Variants in DOCK3 observed in about 807,000 individuals in gnomAD.
DOCK3 encodes the protein dedicator of cytokinesis 3.
In DOCK3, 60 loss-of-function variants were observed where a neutral mutation model predicts 265.6. The observed-to-expected ratio is 0.23, with a 90% CI of 0.18 to 0.28. The LOEUF (loss-of-function observed/expected upper bound fraction) is 0.28, where lower values mean the gene tolerates loss of function less well. Among genes scored for constraint, DOCK3 ranks in the 10% least tolerant of loss-of-function variants. The pLI is 1.00. For synonymous variants in DOCK3, 881 were observed against 938.0 expected (o/e 0.94, Z 1.11); for missense variants, 1,981 against 2,594.3 (o/e 0.76, Z 5.14).
chr3:50,860,169 G>A (rs1346107767), intron 3 of DOCK3, among the ~76,000 whole-genome samples: 1 of 152,182 alleles, frequency 6.6e-6, no homozygotes, highest in Non-Finnish European at 1.5e-5. Context: ...GGGTTGTATG[G>A]GACCTGCAGG....
At chr3:50,999,548 G>A (rs150925526) in intron 5 of DOCK3, among the ~76,000 whole-genome samples, 28 of 152,142 alleles carry the variant, frequency 1.8e-4, no homozygotes, top group Admixed American at 1.3e-4. Flanking sequence ...GCCTTGTAGC[G>A]TTAAATATTC....
At chr3:51,163,887 C>G (rs1285267224) in intron 12 of DOCK3, among the ~76,000 whole-genome samples, 2 of 151,980 alleles carry the variant, frequency 1.3e-5, no homozygotes. Flanking sequence ...ATTCTTGGCT[C>G]TCAAATTTTA....
At chr3:51,116,951 T>C (rs1412435387) in intron 9 of DOCK3, among the ~76,000 whole-genome samples, 1 of 152,204 alleles carries the variant, frequency 6.6e-6, no homozygotes, top group Non-Finnish European at 1.5e-5. Flanking sequence ...GAATATCCTT[T>C]ATTTGTTTCT....
chr3:50,744,991 A>G (rs2039331080), intron 1 of DOCK3, among the ~76,000 whole-genome samples: 1 of 152,180 alleles, frequency 6.6e-6, no homozygotes, highest in South Asian at 2.1e-4. Flanking sequence ...GAAACCAGAA[A>G]GTGTGAGTCC....
At chr3:50,979,830 T>G (rs1469687894) in intron 5 of DOCK3, among the ~76,000 whole-genome samples, 1 of 152,214 alleles carries the variant, frequency 6.6e-6, no homozygotes, top group Non-Finnish European at 1.5e-5. Context: ...CTGAATTCAT[T>G]TATTAGTTCT....
chr3:50,878,323 A>G (rs960897926), intron 3 of DOCK3, among the ~76,000 whole-genome samples: 4 of 152,200 alleles, frequency 2.6e-5, no homozygotes, highest in African/African-American at 7.2e-5. Flanking sequence ...GGTAATAACA[A>G]ACTTCTCCGA....
intron 25 of DOCK3, among the ~76,000 whole-genome samples, chr3:51,275,515 G>C (rs1320173996): frequency 1.3e-5 from 2 of 152,114 alleles, no homozygotes; most frequent in Non-Finnish European, 2.9e-5. Context: ...CTGGATTCTT[G>C]GGAGTTTTCT....
intron 32 of DOCK3, 79 bp from the exon 33 acceptor site, chr3:51,330,059 C>G (rs1244263757): frequency 4.3e-6 from 6 of 1,407,492 alleles, no homozygotes; most frequent in Non-Finnish European, 4.9e-6. Flanking sequence ...TCCCACCATC[C>G]TCACCCACCA....
chr3:50,802,074 T>A (rs2675797), intron 2 of DOCK3, among the ~76,000 whole-genome samples: 143,467 of 152,170 alleles, frequency 0.94, 68,268 homozygotes, highest in East Asian at 1. Context: ...GTTACAGTTT[T>A]TGTGTGTCTT....
intron 5 of DOCK3, among the ~76,000 whole-genome samples, chr3:50,971,697 G>A (rs1490077139): frequency 6.7e-6 from 1 of 149,762 alleles, no homozygotes; most frequent in East Asian, 2.2e-4. Flanking sequence ...GACAGATAAA[G>A]GACTTTATTT....
intron 31 of DOCK3, among the ~76,000 whole-genome samples, chr3:51,314,496 T>C (rs769271207): frequency 1.3e-5 from 2 of 152,208 alleles, no homozygotes; most frequent in Admixed American, 6.5e-5. Context: ...CATGGACTTA[T>C]TAGACGTCTG....
At chr3:51,077,413 G>A (rs2082090670) in intron 7 of DOCK3, among the ~76,000 whole-genome samples, 1 of 152,074 alleles carries the variant, frequency 6.6e-6, no homozygotes, top group African/African-American at 2.4e-5. Context: ...GGATTGGAGT[G>A]GGGCAAGAAT....
intron 1 of DOCK3, among the ~76,000 whole-genome samples, chr3:50,711,135 A>G (rs933374161): frequency 3.3e-5 from 5 of 152,230 alleles, no homozygotes; most frequent in Non-Finnish European, 5.9e-5. Flanking sequence ...TTTTTCTTGC[A>G]TACATATATT....
chr3:50,749,123 CAGTT>C (rs1342065900), intron 1 of DOCK3, among the ~76,000 whole-genome samples: 3 of 152,136 alleles, frequency 2.0e-5, no homozygotes, highest in Non-Finnish European at 4.4e-5. Flanking sequence ...AGGCCTTCAT[CAGTT>C]AGTTTCTTTC....
At chr3:51,354,261 A>G (rs530932310) in intron 40 of DOCK3, among the ~76,000 whole-genome samples, 1 of 149,014 alleles carries the variant, frequency 6.7e-6, no homozygotes, top group East Asian at 2.1e-4. Context: ...ACCCATAGCA[A>G]TCACTCCTTG....
chr3:51,012,743 C>T (rs1007924553), intron 5 of DOCK3, among the ~76,000 whole-genome samples: 2 of 152,192 alleles, frequency 1.3e-5, no homozygotes, highest in African/African-American at 4.8e-5. Context: ...GTCGCTCACA[C>T]TGGGAGCTGT....
intron 13 of DOCK3, among the ~76,000 whole-genome samples, chr3:51,213,573 G>A (rs559629495): frequency 4.2e-4 from 64 of 152,244 alleles, no homozygotes; most frequent in African/African-American, 1.3e-3. Context: ...CCACAAAAGC[G>A]CCCTCTTTTC....
chr3:51,091,615 G>A (rs569009672), intron 9 of DOCK3, among the ~76,000 whole-genome samples: 2 of 151,294 alleles, frequency 1.3e-5, no homozygotes, highest in South Asian at 2.1e-4. Flanking sequence ...CCTGGGAGGC[G>A]GAGGTTGCAC....
intron 5 of DOCK3, among the ~76,000 whole-genome samples, chr3:50,989,264 A>C (rs544841073): frequency 2.0e-5 from 3 of 152,276 alleles, no homozygotes; most frequent in South Asian, 4.1e-4. Context: ...CGGCAAAGCT[A>C]CTACTAAGAT....
Sources: allele counts gnomAD v4.1 joint callset (sites outside exome capture counted in the v4.1 genomes callset), GRCh38; gene constraint gnomAD v4.1.1; transcripts MANE v1.5; gene names NCBI Gene and HGNC (gene_info 2026-07-23, HGNC 2026-07-21).